The following TRPC4 variants were observed in gnomAD, a reference collection of about 807,000 sequenced individuals.
TRPC4 encodes short transient receptor potential channel 4.
Under a neutral mutation model 99.4 loss-of-function variants are expected in TRPC4, and 49 were observed. That is an observed-to-expected ratio of 0.49 (90% CI 0.39 to 0.63). The LOEUF (loss-of-function observed/expected upper bound fraction) is 0.63. Ranked by LOEUF, TRPC4 falls within the 20% of genes least tolerant of loss-of-function variation. The pLI, the probability that TRPC4 is intolerant of heterozygous loss-of-function variation, is 0.00. For synonymous variants in TRPC4, 454 were observed against 425.9 expected (o/e 1.07, Z -0.81); for missense variants, 898 against 1,152.9 (o/e 0.78, Z 3.20).
At chr13:37,775,111 C>A (rs796262500) in intron 2 of TRPC4, among the ~76,000 whole-genome samples, 18 of 151,778 alleles carry the variant, frequency 1.2e-4, no homozygotes, top group African/African-American at 4.1e-4. Context: ...ATGAAAGATT[C>A]ATTTGTCTCT....
intron 1 of TRPC4, among the ~76,000 whole-genome samples, chr13:37,813,701 G>A (rs899411790): frequency 1.3e-5 from 2 of 151,790 alleles, no homozygotes; most frequent in African/African-American, 4.8e-5. Flanking sequence ...TCATAGACTT[G>A]TAACAAAGAG....
At chr13:37,857,437 C>A (rs576671620) in intron 1 of TRPC4, among the ~76,000 whole-genome samples, 1 of 151,632 alleles carries the variant, frequency 6.6e-6, no homozygotes, top group East Asian at 1.9e-4. Context: ...GTATATGCAA[C>A]CACAAAGACC....
intron 1 of TRPC4, among the ~76,000 whole-genome samples, chr13:37,806,402 A>G (rs1957531384): frequency 6.6e-6 from 1 of 152,086 alleles, no homozygotes; most frequent in Non-Finnish European, 1.5e-5. Flanking sequence ...TACTGTACAG[A>G]ACAAGGTAAT....
intron 2 of TRPC4, among the ~76,000 whole-genome samples, chr13:37,759,970 G>A (rs1956182639): frequency 2.6e-5 from 4 of 151,994 alleles, no homozygotes; most frequent in African/African-American, 9.7e-5. Context: ...ATTCTTGTGT[G>A]AAATATTGTG....
intron 5 of TRPC4, among the ~76,000 whole-genome samples, chr13:37,670,979 T>G (rs182807813): frequency 2.0e-5 from 3 of 152,260 alleles, no homozygotes; most frequent in African/African-American, 2.4e-5. Flanking sequence ...CAGTAGCCCC[T>G]CTTATAGACC....
At chr13:37,778,946 A>C (rs1956772345) in intron 2 of TRPC4, among the ~76,000 whole-genome samples, 1 of 152,054 alleles carries the variant, frequency 6.6e-6, no homozygotes, top group African/African-American at 2.4e-5. Context: ...CTAGACTGGC[A>C]GCATTAGCAT....
At chr13:37,736,844 T>G (rs945453244) in intron 3 of TRPC4, among the ~76,000 whole-genome samples, 2 of 151,342 alleles carry the variant, frequency 1.3e-5, no homozygotes, top group African/African-American at 2.4e-5. Flanking sequence ...TCCTCCCATC[T>G]CAGGCTCCCA....
chr13:37,818,265 C>T (rs982619274), intron 1 of TRPC4, among the ~76,000 whole-genome samples: 1 of 152,030 alleles, frequency 6.6e-6, no homozygotes, highest in African/African-American at 2.4e-5. Context: ...CATCTCACAC[C>T]AGTTAGAATG....
intron 1 of TRPC4, among the ~76,000 whole-genome samples, chr13:37,841,504 T>G (rs1026098640): frequency 6.6e-6 from 1 of 151,676 alleles, no homozygotes; most frequent in Non-Finnish European, 1.5e-5. Flanking sequence ...CCATATCTAA[T>G]AAATAGCTAA....
intron 3 of TRPC4, among the ~76,000 whole-genome samples, chr13:37,703,778 G>T (rs1954179053): frequency 6.6e-6 from 1 of 151,880 alleles, no homozygotes; most frequent in Admixed American, 6.6e-5. Flanking sequence ...GTTTGGTTTG[G>T]TTTGTTTTTA....
At chr13:37,796,675 G>T (rs1957253456) in intron 1 of TRPC4, among the ~76,000 whole-genome samples, 1 of 151,852 alleles carries the variant, frequency 6.6e-6, no homozygotes, top group African/African-American at 2.4e-5. Flanking sequence ...ATTGAATCCT[G>T]GCTGCAGTGT....
At chr13:37,769,093 T>A (rs577461635) in intron 2 of TRPC4, among the ~76,000 whole-genome samples, 1 of 151,638 alleles carries the variant, frequency 6.6e-6, no homozygotes, top group African/African-American at 2.4e-5. Context: ...GTAATTTTAT[T>A]GATAGCATTT....
intron 1 of TRPC4, among the ~76,000 whole-genome samples, chr13:37,795,181 A>G (rs1030262799): frequency 6.3e-5 from 8 of 127,074 alleles, no homozygotes; most frequent in Non-Finnish European, 1.2e-4. Flanking sequence ...TCACACATGT[A>G]TTTTTCTTTG....
At chr13:37,642,888 G>A (rs1951767310) in intron 8 of TRPC4, among the ~76,000 whole-genome samples, 1 of 151,908 alleles carries the variant, frequency 6.6e-6, no homozygotes, top group South Asian at 2.1e-4. Context: ...ATGGCACCAC[G>A]CCTGGCTAAC....
intron 1 of TRPC4, among the ~76,000 whole-genome samples, chr13:37,863,433 T>G (rs1017210168): frequency 1.3e-5 from 2 of 151,640 alleles, no homozygotes; most frequent in Non-Finnish European, 3.0e-5. Flanking sequence ...TATATGTTTG[T>G]GTGTTTACAC....
intron 5 of TRPC4, among the ~76,000 whole-genome samples, chr13:37,664,918 T>G (rs754413220): frequency 6.6e-6 from 1 of 152,240 alleles, no homozygotes; most frequent in Non-Finnish European, 1.5e-5. Flanking sequence ...ACACTCAGAC[T>G]CTTGCTTGAC....
At chr13:37,829,008 C>T (rs895556960) in intron 1 of TRPC4, among the ~76,000 whole-genome samples, 5 of 152,100 alleles carry the variant, frequency 3.3e-5, no homozygotes, top group African/African-American at 1.2e-4. Context: ...AAAAACTATA[C>T]AATTCTTATT....
intron 5 of TRPC4, among the ~76,000 whole-genome samples, chr13:37,666,716 A>G (rs1952658048): frequency 6.6e-6 from 1 of 152,276 alleles, no homozygotes; most frequent in South Asian, 2.1e-4. Flanking sequence ...TTTAGGAGCA[A>G]TTTACAAAAC....
chr13:37,638,181 T>C (rs982157142), intron 10 of TRPC4, among the ~76,000 whole-genome samples: 4 of 151,960 alleles, frequency 2.6e-5, no homozygotes, highest in Non-Finnish European at 5.9e-5. Context: ...CCTTTTCCCT[T>C]GTCTTTTGGG....
Sources: allele counts gnomAD v4.1 joint callset (sites outside exome capture counted in the v4.1 genomes callset), GRCh38; gene constraint gnomAD v4.1.1; transcripts MANE v1.5; gene names NCBI Gene and HGNC (gene_info 2026-07-23, HGNC 2026-07-21).